LRRC28: variants seen among roughly 807,000 people sequenced by gnomAD.
LRRC28 encodes the protein leucine rich repeat containing 28, also known as leucine-rich repeat-containing protein 28.
Under a neutral mutation model 45.7 loss-of-function variants are expected in LRRC28, and 39 were observed. The ratio of observed to expected loss-of-function variants is 0.85; its 90% CI spans 0.66 to 1.12. The LOEUF (loss-of-function observed/expected upper bound fraction) is 1.12. LRRC28 is among the 50% of genes most tolerant of loss of function. The probability of loss-of-function intolerance (pLI) is 0.00; values close to 1 mark genes in which losing one functional copy is unlikely to be tolerated. For synonymous variants in LRRC28, 206 were observed against 178.8 expected (o/e 1.15, Z -1.22); for missense variants, 435 against 438.5 (o/e 0.99, Z 0.07).
At chr15:99,297,076 G>C (rs2152234622) in intron 5 of LRRC28, among the ~76,000 whole-genome samples, 1 of 151,496 alleles carries the variant, frequency 6.6e-6, no homozygotes, top group South Asian at 2.1e-4. Context: ...AGCTATTCCG[G>C]AGGCTGAGGC....
At position 99,361,407 on chromosome 15, in the gene LRRC28, T is replaced by C; in HGVS notation, c.767T>C (p.Leu256Pro). The C allele has an allele frequency of 5.6e-6, 9 of 1,613,886 alleles. No homozygotes were observed. The highest frequency in any genetic ancestry group is 7.6e-6 in the Non-Finnish European group (9 of 1,179,942). ...SFSSGQRTVF[L>P]PAEVKAIGTE... ...TCATCAGGGCAGCGAACCGTTTTCC[T>C]CCCAGCTGAGGTGAAGGCCATAGGG... The change falls in exon 8 of 10, where the codon CTC becomes CCC. Residue 256 changes from leucine (L) to proline (P), a missense_variant. Coordinates refer to ENST00000301981, the MANE Select transcript of LRRC28 (RefSeq NM_144598.5).
At chr15:99,349,260 C>T (rs1321849775) in intron 6 of LRRC28, among the ~76,000 whole-genome samples, 2 of 151,986 alleles carry the variant, frequency 1.3e-5, no homozygotes, top group Admixed American at 6.6e-5. Context: ...AATCTGCACA[C>T]TTTATAATTG....
intron 5 of LRRC28, among the ~76,000 whole-genome samples, chr15:99,293,242 A>T (rs780738308): frequency 2.0e-5 from 3 of 152,074 alleles, no homozygotes; most frequent in African/African-American, 2.4e-5. Context: ...CATATATTTT[A>T]TTTCAATGTA....
At chr15:99,381,027 G>A (rs1381962172) in intron 9 of LRRC28, among the ~76,000 whole-genome samples, 4 of 152,188 alleles carry the variant, frequency 2.6e-5, no homozygotes, top group South Asian at 2.1e-4. Flanking sequence ...TGCTCTTCTC[G>A]AGGAGTATCT....
chr15:99,320,372 G>T (rs1017807672), intron 5 of LRRC28, among the ~76,000 whole-genome samples: 7 of 151,928 alleles, frequency 4.6e-5, no homozygotes, highest in Non-Finnish European at 8.8e-5. Flanking sequence ...CTTATAATAT[G>T]GACAGTTGTG....
At chr15:99,305,903 A>T (rs962227696) in intron 5 of LRRC28, among the ~76,000 whole-genome samples, 2 of 152,216 alleles carry the variant, frequency 1.3e-5, no homozygotes, top group African/African-American at 4.8e-5. Context: ...TTTCTCCTTC[A>T]TCACTTAGAA....
intron 6 of LRRC28, among the ~76,000 whole-genome samples, chr15:99,347,273 T>C (rs565690991): frequency 7.9e-5 from 12 of 151,882 alleles, no homozygotes; most frequent in East Asian, 3.9e-4. Flanking sequence ...GCAGTGGTGC[T>C]ATCTCGGCTC....
chr15:99,358,508 A>T (rs1204577447), intron 7 of LRRC28, among the ~76,000 whole-genome samples: 1 of 152,146 alleles, frequency 6.6e-6, no homozygotes, highest in African/African-American at 2.4e-5. Flanking sequence ...TAGTTAGGGC[A>T]GACTTGTCAA....
intron 1 of LRRC28, among the ~76,000 whole-genome samples, chr15:99,252,665 A>G (rs1196259335): frequency 6.6e-6 from 1 of 152,262 alleles, no homozygotes; most frequent in South Asian, 2.1e-4. Flanking sequence ...TGTGGCATGT[A>G]GCAAGCTTAT....
intron 2 of LRRC28, among the ~76,000 whole-genome samples, chr15:99,275,629 C>T (rs917476391): frequency 6.6e-6 from 1 of 152,154 alleles, no homozygotes; most frequent in African/African-American, 2.4e-5. Flanking sequence ...GGCAGGGAGT[C>T]CACAATCAAG....
Position 99,263,656 on chromosome 15 carries a change from CAT to C in LRRC28, c.168+7532_168+7533del, listed in dbSNP as rs1011264103. Among the ~76,000 whole-genome samples the C allele has an allele frequency of 8.5e-5, 13 of 152,346 alleles. No homozygotes were observed. In the South Asian group the frequency reaches 1.0e-3, roughly 12 times the overall value. ...CTTCACTGCCTGGCTTACTGCTTAA[CAT>C]GTGTAGTACACGTAATTTCATTCTA... On this transcript the variant is annotated intron_variant, in intron 2 of 9. Transcript: ENST00000301981.
intron 5 of LRRC28, among the ~76,000 whole-genome samples, chr15:99,302,273 C>A (rs896438634): frequency 6.6e-6 from 1 of 152,124 alleles, no homozygotes. Flanking sequence ...ATGATCTGCC[C>A]GCCTCGGCCT....
At chr15:99,328,956 T>C (rs1956073360) in intron 5 of LRRC28, among the ~76,000 whole-genome samples, 1 of 151,856 alleles carries the variant, frequency 6.6e-6, no homozygotes, top group African/African-American at 2.4e-5. Flanking sequence ...TTGCAGACAG[T>C]CTGTCATGGG....
intron 2 of LRRC28, among the ~76,000 whole-genome samples, chr15:99,269,020 C>G (rs2081404099): frequency 6.6e-6 from 1 of 152,070 alleles, no homozygotes; most frequent in Non-Finnish European, 1.5e-5. Flanking sequence ...TCTTGGCAAT[C>G]AAATTTCTAT....
chr15:99,357,705 G>A (rs975029563), intron 7 of LRRC28, among the ~76,000 whole-genome samples: 1 of 151,968 alleles, frequency 6.6e-6, no homozygotes, highest in African/African-American at 2.4e-5. Flanking sequence ...TTTAAATAAT[G>A]TTTTAAATAT....
chr15:99,306,630 G>A (rs1955191226), intron 5 of LRRC28, among the ~76,000 whole-genome samples: 2 of 152,186 alleles, frequency 1.3e-5, no homozygotes, highest in Admixed American at 1.3e-4. Context: ...AATAAAAGGA[G>A]TTGATAATGT....
chr15:99,288,205 A>G (rs1321007436), intron 5 of LRRC28, among the ~76,000 whole-genome samples: 2 of 152,152 alleles, frequency 1.3e-5, no homozygotes, highest in Admixed American at 6.5e-5. Context: ...ATCCCTTTGA[A>G]TCACTGCTCT....
intron 9 of LRRC28, among the ~76,000 whole-genome samples, chr15:99,383,911 C>T (rs1347831744): frequency 6.6e-6 from 1 of 152,126 alleles, no homozygotes; most frequent in Non-Finnish European, 1.5e-5. Flanking sequence ...TAACCATTCC[C>T]AGGTGCTTAA....
intron 5 of LRRC28, among the ~76,000 whole-genome samples, chr15:99,304,245 A>G (rs962592419): frequency 6.6e-6 from 1 of 152,240 alleles, no homozygotes; most frequent in Admixed American, 6.5e-5. Context: ...AGCCCTTTAC[A>G]GCAAGGTTGT....
Sources: allele counts gnomAD v4.1 joint callset (sites outside exome capture counted in the v4.1 genomes callset), GRCh38; gene constraint gnomAD v4.1.1; transcripts MANE v1.5; gene names NCBI Gene and HGNC (gene_info 2026-07-23, HGNC 2026-07-21).